IQSEC1: variants seen among roughly 807,000 people sequenced by gnomAD.
IQSEC1 encodes IQ motif and Sec7 domain ArfGEF 1, also known as IQ motif and SEC7 domain-containing protein 1.
In IQSEC1, 31 loss-of-function variants were observed where a neutral mutation model predicts 91.0. The observed-to-expected ratio is 0.34, with a 90% CI of 0.26 to 0.46. The LOEUF is 0.46. Among genes scored for constraint, IQSEC1 ranks in the 20% least tolerant of loss-of-function variants. The pLI, the probability that IQSEC1 is intolerant of heterozygous loss-of-function variation, is 1.00. For synonymous variants in IQSEC1, 699 were observed against 662.6 expected (o/e 1.05, Z -0.84); for missense variants, 1,388 against 1,575.6 (o/e 0.88, Z 2.02).
At chr3:13,127,070 C>T (rs527377291) in intron 2 of IQSEC1, among the ~76,000 whole-genome samples, 34 of 152,166 alleles carry the variant, frequency 2.2e-4, no homozygotes, top group Admixed American at 1.6e-3. Flanking sequence ...CATTAAATTG[C>T]TTTTGCATCT....
At position 13,166,663 on chromosome 3, in the gene IQSEC1, T is replaced by A. The variant is rs759219449; in HGVS notation, c.273-2530A>T. Among the ~76,000 whole-genome samples the A allele has an allele frequency of 1.4e-4, 21 of 152,350 alleles. 1 individual carries two copies. Among genetic ancestry groups the A allele is most frequent in the East Asian group, 1.3e-3 (7 of 5,188 alleles). On this transcript the variant is annotated intron_variant, in intron 1 of 15. Transcript: ENST00000648114. ...AGAGGCTGATGAATAAAGCTGCTTC[T>A]CTCACCACCTACCCGAGGTGTGGTT...
chr3:13,069,706 T>C (rs1201610697), intron 1 of IQSEC1, among the ~76,000 whole-genome samples: 6 of 152,206 alleles, frequency 3.9e-5, no homozygotes, highest in Non-Finnish European at 1.5e-5. Context: ...ACAGCCTCAC[T>C]TCCTGTGTTC....
intron 2 of IQSEC1, among the ~76,000 whole-genome samples, chr3:13,153,057 T>G (rs1576273755): frequency 1.1e-5 from 1 of 87,458 alleles, no homozygotes; most frequent in Non-Finnish European, 2.3e-5. Flanking sequence ...TTCTTTCCCC[T>G]CCCCTATCTA....
At chr3:13,006,169 GC>G (rs377241899) in intron 1 of IQSEC1, among the ~76,000 whole-genome samples, 11 of 152,292 alleles carry the variant, frequency 7.2e-5, no homozygotes, top group African/African-American at 2.4e-4. Flanking sequence ...CTCCTGGGTA[GC>G]CCCCTCCTCC....
chr3:12,927,021 G>C (rs915070659), intron 3 of IQSEC1, among the ~76,000 whole-genome samples: 1 of 152,064 alleles, frequency 6.6e-6, no homozygotes, highest in Non-Finnish European at 1.5e-5. Flanking sequence ...GCTATGATTC[G>C]GGGGTCTCCA....
chr3:13,071,866 C>T (rs1013355922), intron 1 of IQSEC1, among the ~76,000 whole-genome samples: 10 of 152,044 alleles, frequency 6.6e-5, no homozygotes, highest in Non-Finnish European at 1.0e-4. Context: ...CGCCATCCCC[C>T]GAACCAGAGG....
At chr3:13,281,524 C>A (rs893924042) in intron 1 of IQSEC1, among the ~76,000 whole-genome samples, 1 of 152,170 alleles carries the variant, frequency 6.6e-6, no homozygotes, top group Non-Finnish European at 1.5e-5. Flanking sequence ...CAAAGAGCCC[C>A]CCAGCCCCAC....
At chr3:13,022,152 A>G (rs1279363459) in intron 1 of IQSEC1, 1 of 1,231,592 alleles carries the variant, frequency 8.1e-7, no homozygotes, top group East Asian at 3.2e-5. Context: ...CCACTGCCCC[A>G]CCACCCAGAG....
chr3:13,100,053 G>A (rs1305260840), intron 2 of IQSEC1, among the ~76,000 whole-genome samples: 1 of 135,380 alleles, frequency 7.4e-6, no homozygotes, highest in East Asian at 1.9e-4. Context: ...GGAGAGTTCC[G>A]AGTAGGAGGA....
At chr3:12,926,754 G>A (rs1697178536) in intron 3 of IQSEC1, among the ~76,000 whole-genome samples, 1 of 152,254 alleles carries the variant, frequency 6.6e-6, no homozygotes, top group Non-Finnish European at 1.5e-5. Flanking sequence ...ACAGTTCCTG[G>A]CTGACAGCAG....
At chr3:13,247,547 CCTT>C (rs1401846932) in intron 1 of IQSEC1, among the ~76,000 whole-genome samples, 6 of 152,372 alleles carry the variant, frequency 3.9e-5, no homozygotes, top group Admixed American at 2.0e-4. Flanking sequence ...TTGGCTCTCT[CCTT>C]CTTTTCTTCA....
rs75373156 is a variant in IQSEC1, at chr3:13,198,508, G to A, written c.273-34375C>T. Among the ~76,000 whole-genome samples, 1,494 of 152,114 alleles carry A rather than the reference G, an allele frequency of 9.8e-3. 21 individuals carry two copies. The highest frequency in any genetic ancestry group is 0.034 in the African/African-American group (1,393 of 41,490). On this transcript the variant is annotated intron_variant, in intron 1 of 15. Coordinates refer to the IQSEC1 transcript ENST00000648114. ...ATTTCACGCAGCTCAGCTCCTAGGC[G>A]GTGATGACCGCTGGAATGTCCTGCC...
intron 1 of IQSEC1, among the ~76,000 whole-genome samples, chr3:12,997,202 T>C (rs1433745732): frequency 6.6e-6 from 1 of 152,248 alleles, no homozygotes; most frequent in Non-Finnish European, 1.5e-5. Flanking sequence ...GAAGACTGTA[T>C]ATCATGATCC....
At chr3:13,009,548 C>T (rs931965924) in intron 1 of IQSEC1, among the ~76,000 whole-genome samples, 2 of 151,892 alleles carry the variant, frequency 1.3e-5, no homozygotes, top group South Asian at 2.1e-4. Context: ...CCCAGATGCC[C>T]GCAGCCCAAG....
At chr3:13,221,808 G>A (rs1164135140) in intron 1 of IQSEC1, among the ~76,000 whole-genome samples, 1 of 152,238 alleles carries the variant, frequency 6.6e-6, no homozygotes, top group Non-Finnish European at 1.5e-5. Context: ...TGCAGTCAGC[G>A]ATCTGGAAAG....
At chr3:13,221,507 C>T (rs1337718768) in intron 1 of IQSEC1, among the ~76,000 whole-genome samples, 1 of 152,226 alleles carries the variant, frequency 6.6e-6, no homozygotes, top group Non-Finnish European at 1.5e-5. Context: ...TGTGGACTCC[C>T]ACCCCAACTG....
At chr3:13,187,039 C>G (rs1423928403) in intron 1 of IQSEC1, among the ~76,000 whole-genome samples, 2 of 151,904 alleles carry the variant, frequency 1.3e-5, no homozygotes, top group Admixed American at 6.6e-5. Context: ...CCCTTCCTTC[C>G]TCTCCTTCCT....
At chr3:13,045,599 T>C (rs1704464782) in intron 1 of IQSEC1, among the ~76,000 whole-genome samples, 1 of 152,226 alleles carries the variant, frequency 6.6e-6, no homozygotes, top group South Asian at 2.1e-4. Flanking sequence ...GCACGGAACC[T>C]GCTAGGCCCC....
chr3:12,958,254 G>A lies in IQSEC1; in HGVS notation c.24-16389C>T, dbSNP rs115513726. On this transcript the variant is annotated intron_variant, in intron 1 of 13. Transcript: ENST00000613206. Reference sequence around the variant, plus strand: ...AGCACCCAGCACAGGGGCACAGAAAGGGTCTTGGGGACAAATGAAGGCTGG... The same window carrying A: ...AGCACCCAGCACAGGGGCACAGAAAAGGTCTTGGGGACAAATGAAGGCTGG... 1.3e-3 allele frequency among the ~76,000 whole-genome samples: 199 copies of A among 152,304 alleles called. 2 individuals are homozygous for A. The highest frequency in any genetic ancestry group is 4.3e-3 in the African/African-American group (178 of 41,574).
Sources: allele counts gnomAD v4.1 joint callset (sites outside exome capture counted in the v4.1 genomes callset), GRCh38; gene constraint gnomAD v4.1.1; transcripts MANE v1.5; gene names NCBI Gene and HGNC (gene_info 2026-07-23, HGNC 2026-07-21).